The following SNX6 variants were observed in gnomAD, a reference collection of about 807,000 sequenced individuals.
The protein encoded by SNX6 is sorting nexin-6.
Under a neutral mutation model 63.0 loss-of-function variants are expected in SNX6, and 34 were observed. That is an observed-to-expected ratio of 0.54 (90% CI 0.41 to 0.72). The LOEUF is 0.72. Ranked by LOEUF, SNX6 falls within the 30% of genes least tolerant of loss-of-function variation. The pLI is 0.00. For missense variants in SNX6, 398 were observed against 471.4 expected (o/e 0.84, Z 1.44); for synonymous variants, 170 against 164.2 (o/e 1.04, Z -0.27).
At chr14:34,618,448 T>G (rs1883507120) in intron 2 of SNX6, among the ~76,000 whole-genome samples, 2 of 152,124 alleles carry the variant, frequency 1.3e-5, no homozygotes. Flanking sequence ...CCTTTCTGAT[T>G]CAAGCAATTC....
chr14:34,618,401 A>G (rs1395724563), intron 2 of SNX6, among the ~76,000 whole-genome samples: 1 of 152,038 alleles, frequency 6.6e-6, no homozygotes, highest in African/African-American at 2.4e-5. Context: ...CCAAGGCTGG[A>G]GTACAGTGGT....
intron 9 of SNX6, among the ~76,000 whole-genome samples, chr14:34,584,092 C>T (rs1238139730): frequency 6.6e-6 from 1 of 152,024 alleles, no homozygotes; most frequent in Non-Finnish European, 1.5e-5. Context: ...GGTGATTCAC[C>T]TGCCTTGGCC....
At chr14:34,608,201 C>A in intron 3 of SNX6, 61 bp from the exon 4 acceptor site, 1 of 894,416 alleles carries the variant, frequency 1.1e-6, no homozygotes, top group Non-Finnish European at 1.8e-6. Context: ...TTTTTTGAAA[C>A]TGGGTCTTGC....
In SNX6 at chr14:34,581,608, G is replaced by T; in HGVS notation, c.795-8C>A. ...GAAACTTTGAGAAAAAACCTGGAAA[G>T]GAAAATATTTTCATCATATTCTACA... On this transcript the variant is annotated splice_polypyrimidine_tract_variant and splice_region_variant and intron_variant, in intron 9 of 13. Transcript: ENST00000362031. 6.8e-7 allele frequency: 1 copy of T among 1,470,730 alleles called. No individual in the cohort carries two copies. Among genetic ancestry groups the T allele is most frequent in the South Asian group, 1.2e-5 (1 of 84,516 alleles). The allele number at this position is 1,470,730 out of a possible 1,614,324, so 91.1% of individuals were successfully genotyped here.
chr14:34,615,255 A>C (rs1270717088), intron 2 of SNX6, among the ~76,000 whole-genome samples: 1 of 152,148 alleles, frequency 6.6e-6, no homozygotes, highest in Non-Finnish European at 1.5e-5. Context: ...ACATACAATA[A>C]AATACAGATT....
At chr14:34,609,890 T>C (rs993517075) in intron 2 of SNX6, 148 bp from the exon 3 acceptor site, 14 of 577,348 alleles carry the variant, frequency 2.4e-5, no homozygotes, top group South Asian at 2.2e-4. Flanking sequence ...ACATACTATA[T>C]ACATTTTGAA....
chr14:34,627,858 C>A (rs1022046284), intron 2 of SNX6, among the ~76,000 whole-genome samples: 12 of 152,026 alleles, frequency 7.9e-5, no homozygotes, highest in Non-Finnish European at 1.3e-4. Flanking sequence ...CTGCCTTAAA[C>A]AATCCTCTTG....
intron 9 of SNX6, among the ~76,000 whole-genome samples, chr14:34,584,692 T>G (rs1186684483): frequency 1.1e-4 from 16 of 151,918 alleles, no homozygotes; most frequent in Admixed American, 1.1e-3. Flanking sequence ...GTTCTTCCAC[T>G]CTCTTACACA....
At chr14:34,593,177 T>C in intron 7 of SNX6, 27 bp from the exon 8 acceptor site, 3 of 1,417,758 alleles carry the variant, frequency 2.1e-6, no homozygotes, top group Non-Finnish European at 2.9e-6. Context: ...AAATATAAAC[T>C]TTTTTCACTT....
At chr14:34,624,262 G>A (rs1009493340) in intron 2 of SNX6, among the ~76,000 whole-genome samples, 11 of 151,954 alleles carry the variant, frequency 7.2e-5, no homozygotes, top group African/African-American at 1.9e-4. Context: ...CATCACGCCC[G>A]GCTAATTTTT....
intron 10 of SNX6, among the ~76,000 whole-genome samples, chr14:34,578,435 C>T (rs1881797682): frequency 6.6e-6 from 1 of 151,572 alleles, no homozygotes; most frequent in Admixed American, 6.6e-5. Context: ...AGTTCGAGGC[C>T]AGCCTGGCCA....
At chr14:34,617,247 G>C (rs931960508) in intron 2 of SNX6, among the ~76,000 whole-genome samples, 4 of 152,090 alleles carry the variant, frequency 2.6e-5, no homozygotes, top group African/African-American at 9.7e-5. Flanking sequence ...TCAAGAGAAA[G>C]ATTATGACAA....
intron 5 of SNX6, chr14:34,604,031 AAAGT>A (rs771023449): frequency 3.0e-5 from 27 of 887,796 alleles, no homozygotes; most frequent in Middle Eastern, 2.9e-4. Context: ...CAGAGACCAC[AAAGT>A]AATACATGTC....
intron 13 of SNX6, among the ~76,000 whole-genome samples, chr14:34,565,078 T>C (rs892437592): frequency 3.7e-5 from 2 of 54,414 alleles, no homozygotes; most frequent in African/African-American, 1.7e-4. Flanking sequence ...ATGTCATGAC[T>C]TTTTTTTTTT....
intron 6 of SNX6, among the ~76,000 whole-genome samples, chr14:34,598,327 A>C (rs1402269739): frequency 1.3e-5 from 2 of 152,060 alleles, no homozygotes; most frequent in Non-Finnish European, 2.9e-5. Flanking sequence ...TATGTAAATG[A>C]CTCACAGATC....
At chr14:34,618,499 C>T (rs984141067) in intron 2 of SNX6, among the ~76,000 whole-genome samples, 36 of 152,168 alleles carry the variant, frequency 2.4e-4, no homozygotes, top group African/African-American at 7.7e-4. Flanking sequence ...TACAGACGTG[C>T]GACACCATGC....
At chr14:34,572,662 GTTAT>G (rs1211761019) in intron 11 of SNX6, among the ~76,000 whole-genome samples, 2 of 151,572 alleles carry the variant, frequency 1.3e-5, no homozygotes, top group Non-Finnish European at 2.9e-5. Flanking sequence ...GTGCTTTTCA[GTTAT>G]TTGTGTTTTT....
chr14:34,618,018 T>C (rs1421275844), intron 2 of SNX6, among the ~76,000 whole-genome samples: 1 of 149,006 alleles, frequency 6.7e-6, no homozygotes, highest in African/African-American at 2.6e-5. Flanking sequence ...AAGACGTCAG[T>C]TGTTCATATT....
intron 4 of SNX6, among the ~76,000 whole-genome samples, chr14:34,606,448 CTCT>C (rs1883023302): frequency 2.1e-5 from 2 of 93,944 alleles, no homozygotes; most frequent in African/African-American, 4.5e-5. Context: ...ACACTTCCAA[CTCT>C]TCTTTTTTTT....
Sources: allele counts gnomAD v4.1 joint callset (sites outside exome capture counted in the v4.1 genomes callset), GRCh38; gene constraint gnomAD v4.1.1; transcripts MANE v1.5; gene names NCBI Gene and HGNC (gene_info 2026-07-23, HGNC 2026-07-21).